Variants in SNTG2 observed in about 807,000 individuals in gnomAD.
SNTG2 encodes the protein syntrophin gamma 2, also known as gamma-2-syntrophin.
Under a neutral mutation model 70.9 loss-of-function variants are expected in SNTG2, and 74 were observed. The observed-to-expected ratio is 1.04, with a 90% CI of 0.86 to 1.27. The LOEUF is 1.27. Ranked by LOEUF, SNTG2 falls within the 50% of genes most tolerant of loss-of-function variation. The probability of loss-of-function intolerance (pLI) is 0.00; values close to 1 mark genes in which losing one functional copy is unlikely to be tolerated. For synonymous variants in SNTG2, 278 were observed against 273.8 expected, an observed-to-expected ratio of 1.02 and a Z score of -0.15; for missense variants, 717 against 690.7, an observed-to-expected ratio of 1.04 and a Z score of -0.43.
At chr2:1,113,727 C>T (rs1221189945) in intron 4 of SNTG2, among the ~76,000 whole-genome samples, 2 of 143,970 alleles carry the variant, frequency 1.4e-5, no homozygotes, top group East Asian at 4.4e-4. Context: ...AGGATTAACC[C>T]TTATAGTCCT....
At chr2:1,281,830 C>T (rs541436922) in intron 14 of SNTG2, among the ~76,000 whole-genome samples, 4 of 152,200 alleles carry the variant, frequency 2.6e-5, no homozygotes, top group Non-Finnish European at 5.9e-5. Context: ...CGGACACTGG[C>T]CCCACCCAGC....
intron 7 of SNTG2, among the ~76,000 whole-genome samples, chr2:1,168,652 C>T: frequency 6.6e-6 from 1 of 152,220 alleles, no homozygotes; most frequent in Admixed American, 6.5e-5. Flanking sequence ...CCATCGATCA[C>T]AGCAGGATAA....
intron 8 of SNTG2, among the ~76,000 whole-genome samples, chr2:1,187,190 A>G (rs1407774500): frequency 2.0e-5 from 3 of 152,232 alleles, no homozygotes; most frequent in African/African-American, 4.8e-5. Flanking sequence ...TTCAGAAAGA[A>G]CAATGTATCC....
chr2:1,186,933 T>C (rs986349163), intron 8 of SNTG2, among the ~76,000 whole-genome samples: 4 of 152,192 alleles, frequency 2.6e-5, no homozygotes, highest in African/African-American at 9.7e-5. Context: ...ATCAGTTCAC[T>C]GTTAAGCAGG....
At position 1,015,693 on chromosome 2, in the gene SNTG2, G is replaced by A. The variant is rs1463672423; in HGVS notation, c.72+64625G>A. Among the ~76,000 whole-genome samples, 4 of 152,326 alleles carry A rather than the reference G, an allele frequency of 2.6e-5. No individual in the cohort carries two copies. In the East Asian group the frequency reaches 7.7e-4, roughly 29 times the overall value. On this transcript the variant is annotated intron_variant, in intron 1 of 16. Transcript: ENST00000308624. ...ATAAAACGTGTTAAACCCAAATGTTGCCTAGTTTAGTGGATTGCCAGAAAC... is the reference window on the plus strand; with the variant it reads ...ATAAAACGTGTTAAACCCAAATGTTACCTAGTTTAGTGGATTGCCAGAAAC...
intron 8 of SNTG2, among the ~76,000 whole-genome samples, chr2:1,193,392 C>A (rs538032640): frequency 6.6e-6 from 1 of 152,274 alleles, no homozygotes; most frequent in East Asian, 1.9e-4. Flanking sequence ...GAAAGCGTAG[C>A]CCAGGCTTCA....
In SNTG2 at chr2:1,179,994, T is replaced by A. The variant is rs1442451256; in HGVS notation, c.591+6811T>A. 4.5e-5 allele frequency among the ~76,000 whole-genome samples: 6 copies of A among 134,524 alleles called. No individual in the cohort carries two copies. The East Asian group carries it at 1.6e-3, about 36-fold the overall frequency. The allele number at this position is 134,524 out of a possible 152,430, so 88.3% of individuals were successfully genotyped here. A position where few individuals can be genotyped will look rare whatever the true frequency, so the allele number is the denominator to read the frequency against. On this transcript the variant is annotated intron_variant, in intron 8 of 16. Coordinates refer to ENST00000308624, the MANE Select transcript of SNTG2 (RefSeq NM_018968.4). ...GGATTCCCTATTTAATAAATGGTGC[T>A]GGGAAAACTGGCTAGCCATATGTAG... is the stretch of plus-strand genomic sequence containing the variant.
intron 4 of SNTG2, among the ~76,000 whole-genome samples, chr2:1,104,207 A>G (rs934317279): frequency 3.3e-5 from 5 of 152,200 alleles, no homozygotes; most frequent in African/African-American, 1.2e-4. Context: ...AACGTTTGTA[A>G]AGAACCAGTG....
intron 16 of SNTG2, among the ~76,000 whole-genome samples, chr2:1,335,980 A>G (rs1659797349): frequency 6.6e-6 from 1 of 152,128 alleles, no homozygotes; most frequent in African/African-American, 2.4e-5. Context: ...TTGTTTTCCT[A>G]TCTTTTTTAT....
intron 4 of SNTG2, among the ~76,000 whole-genome samples, chr2:1,111,649 C>G (rs377248374): frequency 6.6e-6 from 1 of 152,224 alleles, no homozygotes; most frequent in South Asian, 2.1e-4. Flanking sequence ...TTCAAAATGT[C>G]CAGTGTCCTT....
chr2:1,147,904 T>C (rs1426101549), intron 6 of SNTG2, among the ~76,000 whole-genome samples: 4 of 152,248 alleles, frequency 2.6e-5, no homozygotes, highest in African/African-American at 9.6e-5. Flanking sequence ...ATATGCAATT[T>C]TCAGAGGCAG....
At chr2:1,286,257 C>T (rs916697797) in intron 14 of SNTG2, among the ~76,000 whole-genome samples, 6 of 152,204 alleles carry the variant, frequency 3.9e-5, no homozygotes, top group Non-Finnish European at 8.8e-5. Flanking sequence ...TCCTCTTCCA[C>T]CCCTTGATTC....
intron 9 of SNTG2, among the ~76,000 whole-genome samples, chr2:1,212,349 T>C (rs909894498): frequency 1.3e-5 from 2 of 152,194 alleles, no homozygotes; most frequent in Non-Finnish European, 2.9e-5. Context: ...GGAAGTTTCC[T>C]GAGGCTTTCC....
At chr2:1,209,510 T>A (rs1673897610) in intron 9 of SNTG2, among the ~76,000 whole-genome samples, 1 of 152,184 alleles carries the variant, frequency 6.6e-6, no homozygotes, top group African/African-American at 2.4e-5. Flanking sequence ...AGAAATTCTA[T>A]TTTTAGTTTT....
At chr2:1,027,202 C>T (rs1660526098) in intron 1 of SNTG2, among the ~76,000 whole-genome samples, 1 of 152,206 alleles carries the variant, frequency 6.6e-6, no homozygotes, top group Non-Finnish European at 1.5e-5. Flanking sequence ...GGAGATGCTC[C>T]CGGGCCCACA....
chr2:1,054,844 A>G (rs995858240), intron 1 of SNTG2, among the ~76,000 whole-genome samples: 6 of 152,250 alleles, frequency 3.9e-5, no homozygotes, highest in African/African-American at 1.4e-4. Context: ...ATGTAATTGT[A>G]ATTAGGGTCT....
chr2:1,000,772 C>T (rs1255742482), intron 1 of SNTG2, among the ~76,000 whole-genome samples: 1 of 150,926 alleles, frequency 6.6e-6, no homozygotes, highest in African/African-American at 2.4e-5. Flanking sequence ...TCTATGAAAC[C>T]AGTATCATCA....
intron 8 of SNTG2, among the ~76,000 whole-genome samples, chr2:1,186,108 A>G (rs1672230405): frequency 6.6e-6 from 1 of 152,152 alleles, no homozygotes; most frequent in African/African-American, 2.4e-5. Context: ...ATAACTCTCA[A>G]GTTCAATGTT....
At chr2:1,329,377 A>G (rs1326246522) in intron 16 of SNTG2, among the ~76,000 whole-genome samples, 1 of 152,226 alleles carries the variant, frequency 6.6e-6, no homozygotes, top group African/African-American at 2.4e-5. Flanking sequence ...CATGAGCCCA[A>G]CTTAAGAAGT....
Sources: allele counts gnomAD v4.1 joint callset (sites outside exome capture counted in the v4.1 genomes callset), GRCh38; gene constraint gnomAD v4.1.1; transcripts MANE v1.5; gene names NCBI Gene and HGNC (gene_info 2026-07-23, HGNC 2026-07-21).